The following ZNF562 variants were observed in gnomAD, a reference collection of about 807,000 sequenced individuals.
The protein encoded by ZNF562 is zinc finger protein 562.
In ZNF562, 13 loss-of-function variants were observed where a neutral mutation model predicts 17.5. The observed-to-expected ratio is 0.74, with a 90% confidence interval of 0.48 to 1.18. ZNF562 has a LOEUF of 1.18. ZNF562 is among the 50% of genes most tolerant of loss of function. The probability of loss-of-function intolerance (pLI) is 0.00; values close to 1 mark genes in which losing one functional copy is unlikely to be tolerated. For missense variants in ZNF562, 481 were observed against 498.5 expected (o/e 0.96, Z 0.33); for synonymous variants, 163 against 165.4 (o/e 0.99, Z 0.11).
intron 1 of ZNF562, among the ~76,000 whole-genome samples, chr19:9,666,323 C>CAAAAAA (rs112849375): frequency 1.3e-5 from 1 of 79,638 alleles, no homozygotes. Flanking sequence ...ACCTCCGTCT[C>CAAAAAA]AAAAAAAAAA....
Position 9,646,705 on chromosome 19 carries a change from A to T in ZNF562, c.*6244T>A, listed in dbSNP as rs866395949. ...TATAAAAAGTATAAATTTTTGCTAC[A>T]CATTTGGAAATAAAAACATGCCTAG... is the stretch of plus-strand genomic sequence containing the variant. On this transcript the variant is annotated 3_prime_UTR_variant, in exon 6 of 6. Coordinates refer to ENST00000453372, the MANE Select transcript of ZNF562 (RefSeq NM_001130031.2). The T allele has an allele frequency of 2.0e-5, 3 of 152,100 alleles. No homozygotes were observed. Among genetic ancestry groups the T allele is most frequent in the African/African-American group, 7.2e-5 (3 of 41,426 alleles). The allele number at this position is 152,100 out of a possible 1,614,324, so 9.4% of individuals were successfully genotyped here. A position where few individuals can be genotyped will look rare whatever the true frequency, so the allele number is the denominator to read the frequency against.
chr19:9,674,248 G>C (rs1175627129), intron 1 of ZNF562, among the ~76,000 whole-genome samples: 3 of 152,080 alleles, frequency 2.0e-5, no homozygotes, highest in Non-Finnish European at 2.9e-5. Context: ...TGGAAAATGA[G>C]TCAGGGTGGA....
chr19:9,647,898 A>T lies in ZNF562; in HGVS notation c.*5051T>A, dbSNP rs1282052399. On this transcript the variant is annotated 3_prime_UTR_variant, in exon 6 of 6. Transcript: ENST00000453372. The stretch of plus-strand genomic sequence containing the variant: ...CTCAAAAACAAAGAAACAAACCAAA[A>T]AAATGAAAATATCTTGTAGTATTTT... The T allele has an allele frequency of 6.6e-6, 1 of 152,108 alleles. No homozygotes were observed. The highest frequency in any genetic ancestry group is 1.5e-5 in the Non-Finnish European group (1 of 68,026). 9.4% of individuals were successfully genotyped at this position (152,108 alleles called of 1,614,324 possible).
rs1478004168 is a variant in ZNF562, at chr19:9,651,626, C to T, written c.*1323G>A. ...CAGGGCAGAAAACTGGAAAACTGCT[C>T]AAGGCATTCCTAAACCACAAACAAT... On this transcript the variant is annotated 3_prime_UTR_variant, in exon 6 of 6. Coordinates refer to ENST00000453372, the MANE Select transcript of ZNF562 (RefSeq NM_001130031.2). 1 of 152,204 alleles carries T rather than the reference C, an allele frequency of 6.6e-6. No homozygotes were observed. The highest frequency in any genetic ancestry group is 1.9e-4 in the East Asian group (1 of 5,192). The allele number at this position is 152,204 out of a possible 1,614,324, so 9.4% of individuals were successfully genotyped here.
intron 4 of ZNF562, 120 bp downstream of exon 4, chr19:9,657,889 C>T: frequency 7.6e-7 from 1 of 1,309,940 alleles, no homozygotes; most frequent in East Asian, 2.6e-5. Context: ...TGAGGTTTCA[C>T]AATGTTGCCC....
In ZNF562 at chr19:9,644,270, G is replaced by C. The variant is rs1239492384; in HGVS notation, c.*8679C>G. ...CTCTGAAAGGATTTATGGAGAATTA[G>C]GACCAATTGGACCTTGAAAATGTCA... On this transcript the variant is annotated 3_prime_UTR_variant, in exon 6 of 6. Coordinates refer to ENST00000453372, the MANE Select transcript of ZNF562 (RefSeq NM_001130031.2). 6.6e-6 allele frequency: 1 copy of C among 152,106 alleles called. No homozygotes were observed. Among genetic ancestry groups the C allele is most frequent in the Non-Finnish European group, 1.5e-5 (1 of 68,032 alleles). The allele number at this position is 152,106 out of a possible 1,614,324, so 9.4% of individuals were successfully genotyped here. A position where few individuals can be genotyped will look rare whatever the true frequency, so the allele number is the denominator to read the frequency against.
Position 9,646,448 on chromosome 19 carries a change from G to A in ZNF562, c.*6501C>T, listed in dbSNP as rs1041647216. 1 of 152,096 alleles carries A rather than the reference G, an allele frequency of 6.6e-6. No individual in the cohort carries two copies. The highest frequency in any genetic ancestry group is 1.5e-5 in the Non-Finnish European group (1 of 68,008). 9.4% of individuals were successfully genotyped at this position (152,096 alleles called of 1,614,324 possible). On this transcript the variant is annotated 3_prime_UTR_variant, in exon 6 of 6. Transcript: ENST00000453372. ...TTTAAAAAGCATACAGAAAGACTAA[G>A]AAGTAGAGGAAAATCAAGCTGATGT... is the stretch of plus-strand genomic sequence containing the variant.
rs146437517 is a variant in ZNF562, at chr19:9,670,699, G to T, written c.-131+4316C>A. ...AGGAAGGAGACGGAGATAAAGAGAG[G>T]TTGATTAGGCTGAGTGAGGTGGCTC... On this transcript the variant is annotated intron_variant, in intron 1 of 5. Transcript: ENST00000453372. 7.6e-4 allele frequency among the ~76,000 whole-genome samples: 116 copies of T among 152,194 alleles called. 4 individuals are homozygous for T. The highest frequency in any genetic ancestry group is 2.7e-3 in the African/African-American group (114 of 41,538).
Position 9,649,185 on chromosome 19 carries a change from C to G in ZNF562, c.*3764G>C, listed in dbSNP as rs2074834820. 6.6e-6 allele frequency: 1 copy of G among 152,152 alleles called. No homozygotes were observed. Among genetic ancestry groups the G allele is most frequent in the Non-Finnish European group, 1.5e-5 (1 of 68,032 alleles). The allele number at this position is 152,152 out of a possible 1,614,324, so 9.4% of individuals were successfully genotyped here. ...ATTTCATGGACACTTATCACTTCCC[C>G]AGTCAATACCCTTGTGATTTCCTAT... On this transcript the variant is annotated 3_prime_UTR_variant, in exon 6 of 6. Transcript: ENST00000453372.
intron 1 of ZNF562, among the ~76,000 whole-genome samples, chr19:9,662,925 A>G (rs2043810581): frequency 6.6e-6 from 1 of 151,720 alleles, no homozygotes; most frequent in Non-Finnish European, 1.5e-5. Flanking sequence ...AAGGCAGGAG[A>G]ATCACTCGAA....
chr19:9,666,899 G>C (rs1251805359), intron 1 of ZNF562, among the ~76,000 whole-genome samples: 1 of 151,984 alleles, frequency 6.6e-6, no homozygotes, highest in Non-Finnish European at 1.5e-5. Context: ...TCAAAGAAAA[G>C]CCCAGGACCT....
intron 1 of ZNF562, among the ~76,000 whole-genome samples, chr19:9,667,473 C>T (rs989202771): frequency 1.3e-5 from 2 of 152,162 alleles, no homozygotes; most frequent in African/African-American, 4.8e-5. Flanking sequence ...AGGATGTCCA[C>T]TTTTACCACT....
chr19:9,667,753 C>CT lies in ZNF562; in HGVS notation c.-130-6880dup, dbSNP rs898773908. ...CCACAGGCATGTGTGACAATGCTAA[C>CT]TTTTTTTTTTTTTAGAGACTGGGGG... On this transcript the variant is annotated intron_variant, in intron 1 of 5. Transcript: ENST00000453372. Among the ~76,000 whole-genome samples, 1,245 of 144,858 alleles carry CT rather than the reference C, an allele frequency of 8.6e-3. 7 individuals carry two copies. The highest frequency in any genetic ancestry group is 0.012 in the Non-Finnish European group (776 of 65,452).
chr19:9,657,391 CA>C (rs540611946), intron 4 of ZNF562, among the ~76,000 whole-genome samples: 151 of 88,060 alleles, frequency 1.7e-3, no homozygotes, highest in Middle Eastern at 7.4e-3. Context: ...GAGACTCCCT[CA>C]AAAAAAAAAA....
Position 9,652,723 on chromosome 19 carries a change from T to C in ZNF562, c.*226A>G, listed in dbSNP as rs2074887705. 1 of 397,200 alleles carries C rather than the reference T, an allele frequency of 2.5e-6. No homozygotes were observed. 24.6% of individuals were successfully genotyped at this position (397,200 alleles called of 1,614,324 possible). A position where few individuals can be genotyped will look rare whatever the true frequency, so the allele number is the denominator to read the frequency against. ...GCATTTAGGACTAATCTGATGATCT[T>C]TGCACTGCCAATAATTAAAGATGGC... On this transcript the variant is annotated 3_prime_UTR_variant, in exon 6 of 6. Coordinates refer to ENST00000453372, the MANE Select transcript of ZNF562 (RefSeq NM_001130031.2).
In ZNF562 at chr19:9,651,391, T is replaced by C. The variant is rs2074864949; in HGVS notation, c.*1558A>G. The C allele has an allele frequency of 6.6e-6, 1 of 152,184 alleles. No homozygotes were observed. 9.4% of individuals were successfully genotyped at this position (152,184 alleles called of 1,614,324 possible). A position where few individuals can be genotyped will look rare whatever the true frequency, so the allele number is the denominator to read the frequency against. ...GTATCACTAAGATCTGTAATTAAAGTGTTAAAGGACACAGGAAGCTTCATT... is the reference window on the plus strand; with the variant it reads ...GTATCACTAAGATCTGTAATTAAAGCGTTAAAGGACACAGGAAGCTTCATT... On this transcript the variant is annotated 3_prime_UTR_variant, in exon 6 of 6. Coordinates refer to ENST00000453372, the MANE Select transcript of ZNF562 (RefSeq NM_001130031.2).
Position 9,653,539 on chromosome 19 carries a change from G to A in ZNF562, c.691C>T (p.Leu231Phe), listed in dbSNP as rs1059194. 5.0e-6 allele frequency: 8 copies of A among 1,614,146 alleles called. No homozygotes were observed. Among genetic ancestry groups the A allele is most frequent in the South Asian group, 4.4e-5 (4 of 91,084 alleles). Residue 231 changes from leucine (L) to phenylalanine (F), a missense_variant, in exon 6 of 6, where the codon CTC becomes TTC. By Grantham distance (22) the Leu-to-Phe change is conservative. Around this residue, in one of 2 missense-constraint regions of ZNF562, gnomAD observed 403 missense variants for 386.4 expected, o/e 1.04. Coordinates refer to ENST00000453372, the MANE Select transcript of ZNF562 (RefSeq NM_001130031.2). ...NHMGIHIGEK[L>F]CEFQECERAI... ...CTCTCACATTCCTGAAATTCACAGA[G>A]TTTCTCTCCAATGTGGATTCCCATG...
chr19:9,663,569 GT>G (rs138613048), intron 1 of ZNF562, among the ~76,000 whole-genome samples: 4 of 149,180 alleles, frequency 2.7e-5, no homozygotes, highest in Non-Finnish European at 4.5e-5. Flanking sequence ...GTGTAGATGG[GT>G]TTTTTTTTGT....
intron 5 of ZNF562, among the ~76,000 whole-genome samples, chr19:9,655,717 C>CTTTCTTTTTTTTTTTTTTTTTTTT (rs2043447309): frequency 8.2e-5 from 4 of 48,678 alleles, no homozygotes; most frequent in African/African-American, 3.3e-4. Flanking sequence ...TCTTTTCTTT[C>CTTTCTTTTTTTTTTTTTTTTTTTT]TTTTTTTTTT....
Sources: allele counts gnomAD v4.1 joint callset (sites outside exome capture counted in the v4.1 genomes callset), GRCh38; gene constraint gnomAD v4.1.1; regional missense constraint gnomAD v4.1.1; transcripts MANE v1.5; gene names NCBI Gene and HGNC (gene_info 2026-07-23, HGNC 2026-07-21).